Variants in PMM2 observed in about 807,000 individuals in gnomAD.
PMM2 encodes the protein mannose-6-phosphate isomerase.
PMM2 carries 35 observed loss-of-function variants against 33.2 expected under a neutral mutation model. That is an observed-to-expected ratio of 1.06 (90% CI 0.81 to 1.40). PMM2 has a LOEUF of 1.40. Among genes scored for constraint, PMM2 ranks in the 40% most tolerant of loss-of-function variants. The probability of loss-of-function intolerance (pLI) is 0.00; values close to 1 mark genes in which losing one functional copy is unlikely to be tolerated. For missense variants in PMM2, 386 were observed against 306.0 expected (o/e 1.26, Z -1.95); for synonymous variants, 153 against 114.7 (o/e 1.33, Z -2.13).
intron 7 of PMM2, chr16:8,832,188 C>G: frequency 1.0e-6 from 1 of 985,388 alleles, no homozygotes; most frequent in Non-Finnish European, 1.2e-6. Flanking sequence ...CCACCATGCT[C>G]TGAGAGTCAC....
At chr16:8,835,957 C>T (rs149329943) in intron 7 of PMM2, among the ~76,000 whole-genome samples, 1 of 151,172 alleles carries the variant, frequency 6.6e-6, no homozygotes, top group Non-Finnish European at 1.5e-5. Flanking sequence ...TTCAGGAATA[C>T]TCAGGGAAGC....
In PMM2 at chr16:8,848,301, C is replaced by T. The variant is rs886052463; in HGVS notation, c.*476C>T. On this transcript the variant is annotated 3_prime_UTR_variant, in exon 8 of 8. Transcript: ENST00000268261. ...CCATCTGCAGTGACCCAGCCCAGGA[C>T]GAAGTTTACAAACACCTCCTGGAAC... The T allele has an allele frequency of 6.4e-5, 12 of 187,172 alleles. No individual in the cohort carries two copies. The highest frequency in any genetic ancestry group is 1.4e-4 in the African/African-American group (6 of 42,492). 11.6% of individuals were successfully genotyped at this position (187,172 alleles called of 1,614,324 possible). A position where few individuals can be genotyped will look rare whatever the true frequency, so the allele number is the denominator to read the frequency against.
chr16:8,811,062 C>T lies in PMM2; in HGVS notation c.348-17C>T, dbSNP rs1024056729. 7 of 1,439,248 alleles carry T rather than the reference C, an allele frequency of 4.9e-6. No homozygotes were observed. The African/African-American group carries it at 7.1e-5, about 15-fold the overall frequency. The allele number at this position is 1,439,248 out of a possible 1,614,324, so 89.2% of individuals were successfully genotyped here. On this transcript the variant is annotated splice_polypyrimidine_tract_variant and intron_variant, in intron 4 of 7. Coordinates refer to ENST00000268261, the MANE Select transcript of PMM2 (RefSeq NM_000303.3). ...TAACGTGTTTTTGGAGAAACTCTGT[C>T]ACCCTTTCATTCCCAGGGGTACTTT...
intron 2 of PMM2, among the ~76,000 whole-genome samples, chr16:8,804,022 G>GTTTTTTTT (rs770345977): frequency 3.1e-4 from 8 of 25,980 alleles, no homozygotes; most frequent in African/African-American, 9.0e-4. Context: ...TGTTTTTTGG[G>GTTTTTTTT]TTTTTTTTGT....
chr16:8,835,875 G>A (rs963944382), intron 7 of PMM2, among the ~76,000 whole-genome samples: 4 of 151,838 alleles, frequency 2.6e-5, no homozygotes, highest in African/African-American at 7.3e-5. Context: ...GGTTAAGGTT[G>A]GGGGATACAA....
chr16:8,827,891 T>TATATA (rs1567164842), intron 7 of PMM2, among the ~76,000 whole-genome samples: 36 of 54,100 alleles, frequency 6.7e-4, no homozygotes, highest in Non-Finnish European at 5.4e-4. Flanking sequence ...TAATATATGA[T>TATATA]ATATATGATA....
At chr16:8,816,343 C>T (rs2060707968) in intron 7 of PMM2, among the ~76,000 whole-genome samples, 1 of 151,776 alleles carries the variant, frequency 6.6e-6, no homozygotes, top group Non-Finnish European at 1.5e-5. Flanking sequence ...CCAGCCTGGT[C>T]TCGAACTCAT....
At chr16:8,823,228 A>T (rs73494584) in intron 7 of PMM2, among the ~76,000 whole-genome samples, 3,642 of 152,296 alleles carry the variant, frequency 0.024, 138 homozygotes, top group African/African-American at 0.082. Context: ...CATCTGTATT[A>T]CAAAGAATAA....
intron 7 of PMM2, chr16:8,832,965 C>T: frequency 1.0e-6 from 1 of 963,684 alleles, no homozygotes; most frequent in Non-Finnish European, 1.2e-6. Flanking sequence ...TGACTGGTCT[C>T]CCCAGGGCAG....
intron 7 of PMM2, among the ~76,000 whole-genome samples, chr16:8,841,265 T>C (rs12929905): frequency 0.4 from 59,310 of 146,774 alleles, 11,276 homozygotes; most frequent in Non-Finnish European, 0.45. Flanking sequence ...GTTATCAGAC[T>C]GTATAGAGGT....
intron 6 of PMM2, among the ~76,000 whole-genome samples, chr16:8,812,390 T>C (rs1311038019): frequency 2.6e-5 from 4 of 152,266 alleles, no homozygotes; most frequent in Non-Finnish European, 5.9e-5. Flanking sequence ...CAAAGCCTCC[T>C]CATTTTACTA....
At chr16:8,801,256 A>C (rs2060614658) in intron 1 of PMM2, among the ~76,000 whole-genome samples, 3 of 152,250 alleles carry the variant, frequency 2.0e-5, no homozygotes, top group African/African-American at 7.2e-5. Context: ...ACAGCTACTA[A>C]CATATTACCT....
At chr16:8,832,183 A>C in intron 7 of PMM2, 1 of 985,394 alleles carries the variant, frequency 1.0e-6, no homozygotes, top group African/African-American at 1.7e-5. Flanking sequence ...GGAGCCCACC[A>C]TGCTCTGAGA....
chr16:8,843,605 A>G (rs1043793072), intron 7 of PMM2, among the ~76,000 whole-genome samples: 4 of 152,128 alleles, frequency 2.6e-5, no homozygotes, highest in African/African-American at 9.6e-5. Context: ...GGCATTTGGA[A>G]GTTCTTGTGT....
rs1341870874 is a variant in PMM2 at position 8,836,064 on chromosome 16, A to C, written c.640-11660A>C. Among the ~76,000 whole-genome samples, 3 of 151,372 alleles carry C rather than the reference A, an allele frequency of 2.0e-5. 1 individual carries two copies. Among genetic ancestry groups the C allele is most frequent in the Admixed American group, 1.3e-4 (2 of 15,222 alleles). On this transcript the variant is annotated intron_variant, in intron 7 of 7. Transcript: ENST00000268261. ...AGAGTAATGTCTAAATTGGCACCAGAGTTGGGGAGTTTTAAGAGGTTTAGA... is the reference window on the plus strand; with the variant it reads ...AGAGTAATGTCTAAATTGGCACCAGCGTTGGGGAGTTTTAAGAGGTTTAGA...
At chr16:8,799,094 C>T (rs2060596331) in intron 1 of PMM2, among the ~76,000 whole-genome samples, 1 of 152,200 alleles carries the variant, frequency 6.6e-6, no homozygotes, top group Admixed American at 6.5e-5. Flanking sequence ...ATAGCAAATA[C>T]TTCTCTGTCT....
Position 8,829,811 on chromosome 16 carries a change from C to G in PMM2, c.639+16705C>G, listed in dbSNP as rs1408206242. Reference sequence around the variant, plus strand: ...CTGATGGACTTCCTTCAGCAATTCCCTTAGACATCTCCTCCACATATACAA... The same window carrying G: ...CTGATGGACTTCCTTCAGCAATTCCGTTAGACATCTCCTCCACATATACAA... On this transcript the variant is annotated intron_variant, in intron 7 of 7. Transcript: ENST00000268261. Among the ~76,000 whole-genome samples, 6 of 152,216 alleles carry G rather than the reference C, an allele frequency of 3.9e-5. No homozygotes were observed. In the South Asian group the frequency reaches 6.2e-4, roughly 16 times the overall value.
At chr16:8,844,306 G>C (rs1162186425) in intron 7 of PMM2, among the ~76,000 whole-genome samples, 1 of 151,912 alleles carries the variant, frequency 6.6e-6, no homozygotes, top group Non-Finnish European at 1.5e-5. Flanking sequence ...CAAGCCCAGA[G>C]AAAAGAGAGC....
At chr16:8,810,230 A>T (rs750828175) in intron 4 of PMM2, 1 of 152,196 alleles carries the variant, frequency 6.6e-6, no homozygotes, top group African/African-American at 2.4e-5. Flanking sequence ...GAATTTCCTC[A>T]GTTATTACTG....
Sources: gnomAD v4.1 joint callset for allele counts (sites outside exome capture counted in the v4.1 genomes callset) on GRCh38, gnomAD v4.1.1 for gene constraint, MANE v1.5 for transcripts, NCBI Gene and HGNC (gene_info 2026-07-23, HGNC 2026-07-21) for gene names.